VAC14: variants seen among roughly 807,000 people sequenced by gnomAD.
The protein encoded by VAC14 is protein VAC14 homolog.
In VAC14, 47 loss-of-function variants were observed where a neutral mutation model predicts 85.3. That is an observed-to-expected ratio of 0.55 (90% CI 0.44 to 0.70). VAC14 has a LOEUF of 0.70. Ranked by LOEUF, VAC14 falls within the 30% of genes least tolerant of loss-of-function variation. The pLI is 0.00. For missense variants in VAC14, 861 were observed against 1,004.3 expected, an observed-to-expected ratio of 0.86 and a Z score of 1.93; for synonymous variants, 447 against 430.5, an observed-to-expected ratio of 1.04 and a Z score of -0.47.
chr16:70,749,877 G>A (rs1353444679), intron 12 of VAC14, among the ~76,000 whole-genome samples: 2 of 152,210 alleles, frequency 1.3e-5, no homozygotes, highest in Non-Finnish European at 2.9e-5. Flanking sequence ...CCTCTGCCTG[G>A]GGTGGAAGAG....
chr16:70,736,106 T>C (rs1361162687), intron 13 of VAC14, among the ~76,000 whole-genome samples: 1 of 152,108 alleles, frequency 6.6e-6, no homozygotes, highest in Non-Finnish European at 1.5e-5. Context: ...CAGGTGCTTG[T>C]TTGGAGTGGG....
chr16:70,733,414 ATT>A, intron 13 of VAC14, among the ~76,000 whole-genome samples: 1 of 145,102 alleles, frequency 6.9e-6, no homozygotes, highest in African/African-American at 2.5e-5. Context: ...CATTCTGTTG[ATT>A]TTTTTTTTTT....
chr16:70,744,308 C>T (rs759229920), intron 13 of VAC14, 115 bp downstream of exon 13: 18 of 1,434,916 alleles, frequency 1.3e-5, no homozygotes, highest in Non-Finnish European at 1.6e-5. Context: ...CCCCTCACAC[C>T]CTGGCAGAGC....
At chr16:70,711,004 C>G (rs912901537) in intron 14 of VAC14, among the ~76,000 whole-genome samples, 2 of 152,256 alleles carry the variant, frequency 1.3e-5, no homozygotes, top group Non-Finnish European at 2.9e-5. Context: ...CTGCCCTGGG[C>G]GCCATGCGCA....
chr16:70,758,735 T>G (rs1214494327), intron 12 of VAC14, among the ~76,000 whole-genome samples: 1 of 152,188 alleles, frequency 6.6e-6, no homozygotes, highest in Non-Finnish European at 1.5e-5. Flanking sequence ...CCCAGCAGGA[T>G]GCAGTGAGCA....
In VAC14 at chr16:70,762,106, T is replaced by TG. The variant is rs1567579326; in HGVS notation, c.1371+433_1371+434insC. ...GTCCTCACTCCTAAAGTGAGTTTTT[T>TG]TTTTTGTTTTTGTTTTTTTGAGACA... On this transcript the variant is annotated intron_variant, in intron 12 of 18. Transcript: ENST00000261776. This position sits in a 1 kb window ranked among gnomAD's most constrained non-coding sequence, Gnocchi z 4.1. Among the ~76,000 whole-genome samples, 1 of 151,536 alleles carries TG rather than the reference T, an allele frequency of 6.6e-6. No individual in the cohort carries two copies. The highest frequency in any genetic ancestry group is 2.4e-5 in the African/African-American group (1 of 41,048).
At chr16:70,761,343 C>T in intron 12 of VAC14, 1 of 258,106 alleles carries the variant, frequency 3.9e-6, no homozygotes, top group East Asian at 1.4e-4. Context: ...CACGAGCTGG[C>T]TGCCTCATGG....
At chr16:70,744,372 C>A (rs370061808) in intron 13 of VAC14, 51 bp downstream of exon 13, 1 of 1,610,470 alleles carries the variant, frequency 6.2e-7, no homozygotes, top group Admixed American at 1.7e-5. Flanking sequence ...GCCTAAGACC[C>A]GGCACTGGCA....
intron 14 of VAC14, among the ~76,000 whole-genome samples, chr16:70,722,570 G>A (rs2054321371): frequency 6.6e-6 from 1 of 152,190 alleles, no homozygotes; most frequent in African/African-American, 2.4e-5. Context: ...GCAACCCAGG[G>A]AAACACGCTG....
At chr16:70,789,108 C>G (rs2034205339) in intron 1 of VAC14, among the ~76,000 whole-genome samples, 2 of 152,116 alleles carry the variant, frequency 1.3e-5, no homozygotes, top group South Asian at 4.1e-4. Flanking sequence ...GGTGGGAGGA[C>G]TCAAACAGTA....
intron 8 of VAC14, 39 bp from the exon 9 acceptor site, chr16:70,780,978 T>A (rs1195258109): frequency 4.3e-6 from 7 of 1,611,402 alleles, no homozygotes; most frequent in African/African-American, 1.3e-5. Flanking sequence ...CTGATTTGGA[T>A]GCCTGTCTCT....
intron 14 of VAC14, among the ~76,000 whole-genome samples, chr16:70,729,664 T>C (rs1314384898): frequency 6.6e-6 from 1 of 151,982 alleles, no homozygotes; most frequent in Non-Finnish European, 1.5e-5. Context: ...GGCTTCTCCT[T>C]CTTTCCCCAA....
At chr16:70,718,564 ACTC>A (rs2054216492) in intron 14 of VAC14, among the ~76,000 whole-genome samples, 1 of 148,312 alleles carries the variant, frequency 6.7e-6, no homozygotes, top group African/African-American at 2.5e-5. Flanking sequence ...ACAGAATGAG[ACTC>A]CTTTTTAAAA....
At position 70,786,248 on chromosome 16, in the gene VAC14, G is replaced by A. The variant is rs894229335; in HGVS notation, c.222C>T (p.Ile74=). 5.0e-6 allele frequency: 8 copies of A among 1,614,128 alleles called. No individual in the cohort carries two copies. Among genetic ancestry groups the A allele is most frequent in the Middle Eastern group, 1.6e-4 (1 of 6,084 alleles). The change falls in exon 2 of 19, where the codon ATC becomes ATT. Residue 74 remains isoleucine (I), a synonymous_variant. Coordinates refer to ENST00000261776, the MANE Select transcript of VAC14 (RefSeq NM_018052.5). The stretch of plus-strand genomic sequence containing the variant: ...GTGCGATGGAGCAGGCGGCCAGGCC[G>A]ATGAGGCCCCCTTTCCGGCTGTGGG... The part of the protein sequence containing the change: ...QHPHSRKGGL[I]GLAACSIALG...
intron 13 of VAC14, among the ~76,000 whole-genome samples, chr16:70,733,918 G>A (rs1241895451): frequency 3.9e-5 from 6 of 152,102 alleles, no homozygotes; most frequent in Non-Finnish European, 8.8e-5. Context: ...CTCCGCCCGG[G>A]TTCAAGCAAT....
rs114306289 is a variant in VAC14 at position 70,775,780 on chromosome 16, A to C, written c.1097-3608T>G. Reference sequence around the variant, plus strand: ...TTAGAAATACCCACATTTATAGATGAAATAATGTGGCATCAGAAATTGGCC... The same window carrying C: ...TTAGAAATACCCACATTTATAGATGCAATAATGTGGCATCAGAAATTGGCC... On this transcript the variant is annotated intron_variant, in intron 9 of 18. Transcript: ENST00000261776. 3.4e-3 allele frequency among the ~76,000 whole-genome samples: 516 copies of C among 152,010 alleles called. 2 individuals carry two copies. Among genetic ancestry groups the C allele is most frequent in the African/African-American group, 0.012 (479 of 41,230 alleles).
In VAC14 at chr16:70,733,820, C is replaced by A. The variant is rs566401900; in HGVS notation, c.1529-2193G>T. Among the ~76,000 whole-genome samples, 114 of 152,140 alleles carry A rather than the reference C, an allele frequency of 7.5e-4. 2 individuals are homozygous for A. Among genetic ancestry groups the A allele is most frequent in the African/African-American group, 2.7e-3 (111 of 41,512 alleles). On this transcript the variant is annotated intron_variant, in intron 13 of 18. Transcript: ENST00000261776. ...ATAAATTACCTACTCTCAATCAGGT[C>A]TTTTTGTTTTTGTTTTTGTTTTTGA... is the stretch of plus-strand genomic sequence containing the variant.
At chr16:70,695,283 T>C (rs772997826) in intron 17 of VAC14, among the ~76,000 whole-genome samples, 5 of 152,036 alleles carry the variant, frequency 3.3e-5, no homozygotes, top group African/African-American at 4.8e-5. Flanking sequence ...GGCTAATTTT[T>C]AAAAAATTTT....
intron 10 of VAC14, among the ~76,000 whole-genome samples, chr16:70,766,010 A>T (rs1338162847): frequency 1.3e-5 from 2 of 151,896 alleles, no homozygotes; most frequent in Non-Finnish European, 2.9e-5. Context: ...GTACATTCCT[A>T]TGGTCCCAGC....
Sources: allele counts gnomAD v4.1 joint callset (sites outside exome capture counted in the v4.1 genomes callset), GRCh38; gene constraint gnomAD v4.1.1; non-coding constraint Gnocchi (gnomAD v3.1); transcripts MANE v1.5; gene names NCBI Gene and HGNC (gene_info 2026-07-23, HGNC 2026-07-21).